Variants in DOK5 observed in about 807,000 individuals in gnomAD.
DOK5 encodes downstream of tyrosine kinase 5.
DOK5 carries 27 observed loss-of-function variants against 43.3 expected under a neutral mutation model. That is an observed-to-expected ratio of 0.62 (90% CI 0.46 to 0.86). DOK5 has a LOEUF of 0.86. DOK5 is among the 40% of genes least tolerant of loss of function. The pLI is 0.00. For synonymous variants in DOK5, 146 were observed against 140.1 expected (o/e 1.04, Z -0.30); for missense variants, 373 against 392.9 (o/e 0.95, Z 0.43).
intron 2 of DOK5, among the ~76,000 whole-genome samples, chr20:54,568,910 C>T (rs1305841143): frequency 1.5e-4 from 21 of 143,686 alleles, no homozygotes; most frequent in Admixed American, 1.3e-3. Context: ...CCAGCCTGGG[C>T]GACAGAGCAA....
chr20:54,559,275 G>T (rs1984820629), intron 2 of DOK5, among the ~76,000 whole-genome samples: 1 of 152,170 alleles, frequency 6.6e-6, no homozygotes, highest in Non-Finnish European at 1.5e-5. Flanking sequence ...CAAGGCAAAT[G>T]GTATGGTGAG....
intron 2 of DOK5, among the ~76,000 whole-genome samples, chr20:54,559,248 T>A (rs551768600): frequency 1.3e-5 from 2 of 152,212 alleles, no homozygotes; most frequent in African/African-American, 4.8e-5. Flanking sequence ...AGGAAGACCA[T>A]TGACCGCTTT....
At chr20:54,647,315 G>A (rs1979478026) in intron 7 of DOK5, among the ~76,000 whole-genome samples, 1 of 152,002 alleles carries the variant, frequency 6.6e-6, no homozygotes, top group Non-Finnish European at 1.5e-5. Context: ...GACAAGCTTG[G>A]CCAACATGGT....
chr20:54,557,388 T>C (rs188185075), intron 2 of DOK5, among the ~76,000 whole-genome samples: 4 of 152,206 alleles, frequency 2.6e-5, no homozygotes, highest in African/African-American at 9.6e-5. Flanking sequence ...CAGTTCACAA[T>C]AGATTTTACA....
intron 1 of DOK5, among the ~76,000 whole-genome samples, chr20:54,495,397 G>A (rs1600661315): frequency 6.6e-6 from 1 of 152,134 alleles, no homozygotes; most frequent in African/African-American, 2.4e-5. Context: ...TTTGTCTGTG[G>A]GATTGATTCC....
intron 7 of DOK5, among the ~76,000 whole-genome samples, chr20:54,647,529 A>C (rs916628932): frequency 1.3e-5 from 2 of 152,026 alleles, no homozygotes; most frequent in South Asian, 2.1e-4. Context: ...AAAAACAAAA[A>C]AACTATGGAA....
intron 7 of DOK5, among the ~76,000 whole-genome samples, chr20:54,644,545 A>G (rs1979282041): frequency 8.9e-6 from 1 of 112,306 alleles, no homozygotes; most frequent in Non-Finnish European, 2.2e-5. Context: ...TCTACTAAAA[A>G]ACACAAAAAA....
chr20:54,485,660 C>T (rs987196382), intron 1 of DOK5, among the ~76,000 whole-genome samples: 1 of 152,188 alleles, frequency 6.6e-6, no homozygotes, highest in Non-Finnish European at 1.5e-5. Flanking sequence ...GTTTTCGTGC[C>T]TCTAGGCAAA....
At chr20:54,638,136 A>AG (rs68050025) in intron 6 of DOK5, among the ~76,000 whole-genome samples, 1 of 151,594 alleles carries the variant, frequency 6.6e-6, no homozygotes, top group Admixed American at 6.6e-5. Flanking sequence ...AAAAAAAAAA[A>AG]AGATAATCCC....
At chr20:54,507,353 C>G (rs547443504) in intron 1 of DOK5, among the ~76,000 whole-genome samples, 3 of 152,128 alleles carry the variant, frequency 2.0e-5, no homozygotes, top group Admixed American at 2.0e-4. Flanking sequence ...TTCCTAGAAG[C>G]CACATTAAAA....
chr20:54,545,298 C>G (rs1165643812), intron 1 of DOK5, among the ~76,000 whole-genome samples: 1 of 152,204 alleles, frequency 6.6e-6, no homozygotes, highest in Non-Finnish European at 1.5e-5. Flanking sequence ...TCCTGGTTCT[C>G]CTTGGTTAAC....
chr20:54,556,485 C>A (rs1195694976), intron 2 of DOK5, among the ~76,000 whole-genome samples: 10 of 152,200 alleles, frequency 6.6e-5, no homozygotes, highest in Admixed American at 6.5e-4. Flanking sequence ...ACTTTTATAA[C>A]ACTCTAAACT....
chr20:54,555,678 T>C (rs1315286411), intron 2 of DOK5: 1 of 152,242 alleles, frequency 6.6e-6, no homozygotes, highest in Non-Finnish European at 1.5e-5. Context: ...TCTTTTTTCA[T>C]GAAAACGTGT....
intron 5 of DOK5, among the ~76,000 whole-genome samples, chr20:54,604,618 T>G (rs570098660): frequency 6.6e-6 from 1 of 152,340 alleles, no homozygotes; most frequent in African/African-American, 2.4e-5. Flanking sequence ...ACCTTATTCT[T>G]TCAATTATAA....
At chr20:54,540,517 T>C (rs1207344132) in intron 1 of DOK5, among the ~76,000 whole-genome samples, 1 of 151,974 alleles carries the variant, frequency 6.6e-6, no homozygotes, top group South Asian at 2.1e-4. Flanking sequence ...GCTAAGTATG[T>C]TATTTATTTA....
Position 54,556,624 on chromosome 20 carries a change from G to A in DOK5, c.174+1584G>A, listed in dbSNP as rs574731524. Among the ~76,000 whole-genome samples the A allele has an allele frequency of 2.0e-5, 3 of 152,324 alleles. No individual in the cohort carries two copies. In the South Asian group the frequency reaches 6.2e-4, roughly 32 times the overall value. ...GACTTGCTTTATTTTTGCTAGAACAGCCTTTTCTTAAAAGAGAATCAAAAT... is the reference window on the plus strand; with the variant it reads ...GACTTGCTTTATTTTTGCTAGAACAACCTTTTCTTAAAAGAGAATCAAAAT... On this transcript the variant is annotated intron_variant, in intron 2 of 7. Coordinates refer to ENST00000262593, the MANE Select transcript of DOK5 (RefSeq NM_018431.5).
intron 1 of DOK5, among the ~76,000 whole-genome samples, chr20:54,550,422 G>A (rs192067050): frequency 1.1e-4 from 16 of 152,170 alleles, no homozygotes; most frequent in East Asian, 7.7e-4. Context: ...GTATGATATC[G>A]TAACAAAGAT....
chr20:54,500,707 A>G (rs538493225), intron 1 of DOK5, among the ~76,000 whole-genome samples: 1 of 151,784 alleles, frequency 6.6e-6, no homozygotes, highest in African/African-American at 2.4e-5. Context: ...GATTACGGGC[A>G]TGTGCCACCA....
At chr20:54,638,476 A>G (rs552139102) in intron 6 of DOK5, among the ~76,000 whole-genome samples, 19 of 152,292 alleles carry the variant, frequency 1.2e-4, no homozygotes, top group South Asian at 8.3e-4. Context: ...GAGCCCCCCA[A>G]TCTAAGAAGT....
Sources: allele counts gnomAD v4.1 joint callset (sites outside exome capture counted in the v4.1 genomes callset), GRCh38; gene constraint gnomAD v4.1.1; transcripts MANE v1.5; gene names NCBI Gene and HGNC (gene_info 2026-07-23, HGNC 2026-07-21).